The following HYDIN variants were observed in gnomAD, a reference collection of about 807,000 sequenced individuals.
HYDIN encodes HYDIN axonemal central pair apparatus protein, also known as axonemal central pair apparatus protein HYDIN.
In HYDIN, 132 loss-of-function variants were observed where a neutral mutation model predicts 403.9. The observed-to-expected ratio is 0.33, with a 90% confidence interval of 0.28 to 0.38. The LOEUF is 0.38. Among genes scored for constraint, HYDIN ranks in the 10% least tolerant of loss-of-function variants. The probability of loss-of-function intolerance (pLI) is 1.00; values close to 1 mark genes in which losing one functional copy is unlikely to be tolerated. For synonymous variants in HYDIN, 1,202 were observed against 1,891.7 expected, an observed-to-expected ratio of 0.64 and a Z score of 9.46; for missense variants, 2,827 against 5,009.5, an observed-to-expected ratio of 0.56 and a Z score of 13.15.
chr16:70,877,913 G>C (rs1267730944), intron 62 of HYDIN, among the ~76,000 whole-genome samples: 1 of 151,948 alleles, frequency 6.6e-6, no homozygotes, highest in Non-Finnish European at 1.5e-5. Flanking sequence ...CAGTAAAAAC[G>C]ATGTTTAAAA....
chr16:70,846,097 TTGCTC>T (rs1164233998), intron 75 of HYDIN, among the ~76,000 whole-genome samples: 2 of 149,902 alleles, frequency 1.3e-5, no homozygotes, highest in African/African-American at 2.5e-5. Context: ...TTGACTGTGT[TTGCTC>T]TTGCTTTTCT....
At chr16:71,126,311 T>C (rs187524833) in intron 9 of HYDIN, among the ~76,000 whole-genome samples, 206 of 152,232 alleles carry the variant, frequency 1.4e-3, no homozygotes, top group Middle Eastern at 3.4e-3. Flanking sequence ...AGGTTGGAGA[T>C]GCGTGTCGAG....
intron 29 of HYDIN, among the ~76,000 whole-genome samples, chr16:70,979,816 G>A (rs2144014340): frequency 6.6e-6 from 1 of 152,206 alleles, no homozygotes; most frequent in African/African-American, 2.4e-5. Flanking sequence ...CCCAGCTACT[G>A]GGGAGCCTGA....
intron 45 of HYDIN, among the ~76,000 whole-genome samples, chr16:70,934,079 A>C (rs1597360004): frequency 6.6e-6 from 1 of 152,258 alleles, no homozygotes; most frequent in South Asian, 2.1e-4. Flanking sequence ...GAGCGATCCA[A>C]GGAGGGTACG....
chr16:71,139,911 T>G lies in HYDIN; in HGVS notation c.842-2559A>C, dbSNP rs1203046758. The stretch of plus-strand genomic sequence containing the variant: ...AAAGGCCAGTGAAAGTCAAATTGGA[T>G]AAATTTTTTAAAAATCAGACCTGAA... On this transcript the variant is annotated intron_variant, in intron 7 of 85. Coordinates refer to ENST00000393567, the MANE Select transcript of HYDIN (RefSeq NM_001270974.2). Among the ~76,000 whole-genome samples the G allele has an allele frequency of 2.0e-5, 3 of 152,002 alleles. No homozygotes were observed. In the East Asian group the frequency reaches 5.8e-4, roughly 29 times the overall value.
At position 71,227,131 on chromosome 16, in the gene HYDIN, G is replaced by GTA. The variant is rs575617760; in HGVS notation, c.-24+3429_-24+3430dup. On this transcript the variant is annotated intron_variant, in intron 1 of 85. Coordinates refer to ENST00000393567, the MANE Select transcript of HYDIN (RefSeq NM_001270974.2). ...TATCTGACTTTTGTCATATATATAT[G>GTA]TATATATATATGTGTATGTGTGTGT... Among the ~76,000 whole-genome samples the GTA allele has an allele frequency of 3.5e-4, 53 of 150,542 alleles. No individual in the cohort carries two copies. In the South Asian group the frequency reaches 5.0e-3, roughly 14 times the overall value.
chr16:71,223,562 T>C (rs1467316000), intron 1 of HYDIN, among the ~76,000 whole-genome samples: 5 of 152,028 alleles, frequency 3.3e-5, no homozygotes, highest in Non-Finnish European at 7.4e-5. Flanking sequence ...GAGAAAGTAT[T>C]TGCAAGCTAT....
chr16:70,920,718 T>C lies in HYDIN; in HGVS notation c.7658A>G (p.Glu2553Gly), dbSNP rs1327323167. ...EERSDWEGEG[E>G]EDHEGKKEKD... ...CTCCTTCTTCCCTTCGTGGTCCTCC[T>C]CCCCTTCCCCCTCCCAGTCGCTCCG... The change falls in exon 46 of 86, where the codon GAG becomes GGG. Residue 2553 changes from glutamate (E) to glycine (G), a missense_variant. Transcript: ENST00000393567. The C allele has an allele frequency of 1.9e-6, 3 of 1,594,020 alleles. No homozygotes were observed. The South Asian group carries it at 3.4e-5, about 18-fold the overall frequency.
At chr16:70,817,854 G>C (rs1375473027) in intron 84 of HYDIN, among the ~76,000 whole-genome samples, 2 of 152,046 alleles carry the variant, frequency 1.3e-5, no homozygotes, top group African/African-American at 2.4e-5. Flanking sequence ...CAATTCTTCT[G>C]CCTCAGCCTC....
chr16:70,886,806 A>G (rs980854797), intron 58 of HYDIN, among the ~76,000 whole-genome samples: 6 of 151,964 alleles, frequency 3.9e-5, no homozygotes, highest in African/African-American at 1.5e-4. Flanking sequence ...TTCTCTCTTG[A>G]TGTGTTCAAG....
In HYDIN at chr16:71,179,026, G is replaced by A; in HGVS notation, c.283C>T (p.Gln95Ter). 1.2e-6 allele frequency: 2 copies of A among 1,610,546 alleles called. No individual in the cohort carries two copies. Among genetic ancestry groups the A allele is most frequent in the Non-Finnish European group, 1.7e-6 (2 of 1,178,082 alleles). Reference sequence around the variant, plus strand: ...GATGGAAAGGGCTGGAATAATGCCTGATCCAGGTCAATTCCTGAAAACTTC... The same window carrying A: ...GATGGAAAGGGCTGGAATAATGCCTAATCCAGGTCAATTCCTGAAAACTTC... Reference protein sequence around the residue: ...HQKFSGIDLDQALFQPFPSEI... With the variant: ...HQKFSGIDLD The change falls in exon 4 of 86, where the codon CAG becomes TAG. Residue 95 changes from glutamine (Q) to a stop codon, truncating the protein, a stop_gained. Coordinates refer to ENST00000393567, the MANE Select transcript of HYDIN (RefSeq NM_001270974.2). LOFTEE classifies it high-confidence loss of function.
chr16:70,834,536 T>G (rs1468092229), intron 78 of HYDIN, among the ~76,000 whole-genome samples: 28 of 152,010 alleles, frequency 1.8e-4, no homozygotes, highest in Admixed American at 1.8e-3. Context: ...TGCCTCAGTT[T>G]CCCTGTGTGG....
At chr16:71,185,468 C>G (rs2087101047) in intron 2 of HYDIN, among the ~76,000 whole-genome samples, 2 of 152,120 alleles carry the variant, frequency 1.3e-5, no homozygotes, top group South Asian at 4.1e-4. Context: ...AGAGAGAAAT[C>G]TTATAAAATT....
chr16:71,223,642 A>G (rs866584270), intron 1 of HYDIN, among the ~76,000 whole-genome samples: 2 of 148,568 alleles, frequency 1.3e-5, no homozygotes, highest in South Asian at 2.1e-4. Flanking sequence ...AAAAAAAAAA[A>G]CAAATAATCC....
intron 75 of HYDIN, among the ~76,000 whole-genome samples, chr16:70,848,833 G>C (rs1235849127): frequency 8.3e-6 from 1 of 120,504 alleles, no homozygotes; most frequent in East Asian, 2.3e-4. Flanking sequence ...TGGCTGTCTA[G>C]ATTCCAGGGA....
Position 70,979,922 on chromosome 16 carries a change from TCAAA to T in HYDIN, c.4511-885_4511-882del, listed in dbSNP as rs531189209. On this transcript the variant is annotated intron_variant, in intron 29 of 85. Coordinates refer to ENST00000393567, the MANE Select transcript of HYDIN (RefSeq NM_001270974.2). ...CTGGGTGACAGAGCAAGACTCTGTATCAAACAAACAAACAAACAAACAAACAAAA... is the reference window on the plus strand; with the variant it reads ...CTGGGTGACAGAGCAAGACTCTGTATCAAACAAACAAACAAACAAACAAAA... Among the ~76,000 whole-genome samples the T allele has an allele frequency of 3.4e-4, 52 of 151,080 alleles. No individual in the cohort carries two copies. In the South Asian group the frequency reaches 3.8e-3, roughly 11 times the overall value.
chr16:71,124,633 C>G (rs949022501), intron 9 of HYDIN, among the ~76,000 whole-genome samples: 1 of 151,696 alleles, frequency 6.6e-6, no homozygotes, highest in African/African-American at 2.4e-5. Context: ...TCTTTCCAGA[C>G]CTTGAGGTAA....
chr16:70,868,776 G>A lies in HYDIN; in HGVS notation c.11104C>T (p.His3702Tyr). Residue 3702 changes from histidine to tyrosine, a missense_variant, in exon 66 of 86, where the codon CAC (histidine) becomes TAC (tyrosine). His to Tyr is a moderately conservative substitution (Grantham distance 83). Coordinates refer to ENST00000393567, the MANE Select transcript of HYDIN (RefSeq NM_001270974.2). ...ACTATGTCCTTGGCACACCCAGGGTGGAGGTGGCCCATCTAGGAAAGAGCC... is the reference window on the plus strand; with the variant it reads ...ACTATGTCCTTGGCACACCCAGGGTAGAGGTGGCCCATCTAGGAAAGAGCC... ...IAFSPQMGHL[H>Y]PGCAKDIVVT... 3 of 1,613,906 alleles carry A rather than the reference G, an allele frequency of 1.9e-6. No individual in the cohort carries two copies. Among genetic ancestry groups the A allele is most frequent in the Non-Finnish European group, 2.5e-6 (3 of 1,179,944 alleles).
At chr16:71,171,699 C>A (rs1310797398) in intron 5 of HYDIN, among the ~76,000 whole-genome samples, 2 of 152,156 alleles carry the variant, frequency 1.3e-5, no homozygotes, top group African/African-American at 4.8e-5. Flanking sequence ...TTAGAGAAGA[C>A]TTCCTAGACA....
Sources: gnomAD v4.1 joint callset for allele counts (sites outside exome capture counted in the v4.1 genomes callset) on GRCh38, gnomAD v4.1.1 for gene constraint, MANE v1.5 for transcripts, NCBI Gene and HGNC (gene_info 2026-07-23, HGNC 2026-07-21) for gene names.